Variants in GAS7 observed in about 807,000 individuals in gnomAD.
GAS7 encodes the protein growth arrest-specific protein 7.
A neutral mutation model predicts 71.1 loss-of-function variants in GAS7; 28 were observed. The observed-to-expected ratio is 0.39, with a 90% CI of 0.29 to 0.54. The LOEUF is 0.54. Ranked by LOEUF, GAS7 falls within the 20% of genes least tolerant of loss-of-function variation. The pLI, the probability that GAS7 is intolerant of heterozygous loss-of-function variation, is 0.62. For synonymous variants in GAS7, 258 were observed against 245.8 expected (o/e 1.05, Z -0.46); for missense variants, 436 against 627.8 (o/e 0.69, Z 3.27).
intron 1 of GAS7, among the ~76,000 whole-genome samples, chr17:10,138,703 G>A (rs1242541224): frequency 1.3e-5 from 2 of 151,954 alleles, no homozygotes; most frequent in African/African-American, 2.4e-5. Context: ...GGAGGTGGAG[G>A]TTGCAGTAAG....
chr17:9,921,557 G>C (rs1322129777), intron 11 of GAS7, among the ~76,000 whole-genome samples: 2 of 152,204 alleles, frequency 1.3e-5, no homozygotes, highest in African/African-American at 4.8e-5. Flanking sequence ...ACAGCATTGG[G>C]AAACAGAGTA....
chr17:9,982,050 A>G lies in GAS7; in HGVS notation c.305-166T>C, dbSNP rs138806582. ...GACCCTGCTTTCTGCTCCCATATCC[A>G]TCCATCTCCCTTCCTGGCCCCTGCC... On this transcript the variant is annotated intron_variant, in intron 2 of 13. Transcript: ENST00000432992. Among the ~76,000 whole-genome samples, 1,138 of 152,018 alleles carry G rather than the reference A, an allele frequency of 7.5e-3. 14 individuals carry two copies. Among genetic ancestry groups the G allele is most frequent in the African/African-American group, 0.026 (1,081 of 41,476 alleles).
chr17:10,022,632 G>A (rs1276994765), intron 1 of GAS7, among the ~76,000 whole-genome samples: 2 of 152,206 alleles, frequency 1.3e-5, no homozygotes, highest in African/African-American at 4.8e-5. Flanking sequence ...GCCCAGTTGT[G>A]GAAGACGACG....
intron 1 of GAS7, among the ~76,000 whole-genome samples, chr17:10,060,740 C>A (rs192174252): frequency 6.6e-6 from 1 of 152,204 alleles, no homozygotes; most frequent in Non-Finnish European, 1.5e-5. Context: ...GTTGCTCGTG[C>A]GAACACAAAA....
intron 5 of GAS7, among the ~76,000 whole-genome samples, chr17:9,947,595 T>G (rs1050964654): frequency 6.6e-6 from 1 of 151,792 alleles, no homozygotes; most frequent in African/African-American, 2.4e-5. Flanking sequence ...AAATACAAAA[T>G]TAGCTGGGCG....
intron 1 of GAS7, among the ~76,000 whole-genome samples, chr17:10,048,127 C>A (rs1464673036): frequency 6.6e-6 from 1 of 152,126 alleles, no homozygotes; most frequent in Non-Finnish European, 1.5e-5. Flanking sequence ...CATGGTGAAA[C>A]CCTGTCTCTA....
At chr17:9,917,761 CT>C (rs1318281429) in intron 13 of GAS7, among the ~76,000 whole-genome samples, 3 of 152,192 alleles carry the variant, frequency 2.0e-5, no homozygotes, top group Non-Finnish European at 4.4e-5. Flanking sequence ...CTTCTTTCTC[CT>C]CAGGGTAACA....
At chr17:10,063,961 AAG>A in intron 1 of GAS7, among the ~76,000 whole-genome samples, 1 of 152,274 alleles carries the variant, frequency 6.6e-6, no homozygotes, top group East Asian at 1.9e-4. Flanking sequence ...GCCATTGCCA[AAG>A]AGAGCACCAT....
chr17:10,117,014 C>T (rs1467851922), intron 1 of GAS7, among the ~76,000 whole-genome samples: 1 of 152,132 alleles, frequency 6.6e-6, no homozygotes, highest in African/African-American at 2.4e-5. Flanking sequence ...CACTAACGGG[C>T]TTCAAACAAT....
chr17:9,984,775 G>A (rs1408351238), intron 2 of GAS7, among the ~76,000 whole-genome samples: 3 of 152,180 alleles, frequency 2.0e-5, no homozygotes, highest in African/African-American at 7.2e-5. Flanking sequence ...ATAACATCGG[G>A]CACATGGTAT....
chr17:9,922,227 G>T (rs1367309865), intron 11 of GAS7, among the ~76,000 whole-genome samples: 1 of 150,646 alleles, frequency 6.6e-6, no homozygotes, highest in Non-Finnish European at 1.5e-5. Flanking sequence ...TGATGATGAT[G>T]ATCCCTGAGG....
At chr17:10,043,304 A>G (rs1256810413) in intron 1 of GAS7, among the ~76,000 whole-genome samples, 1 of 152,152 alleles carries the variant, frequency 6.6e-6, no homozygotes, top group African/African-American at 2.4e-5. Context: ...CTCAACACTC[A>G]GGGGCTACAT....
chr17:10,058,654 G>A (rs1200409636), intron 1 of GAS7, among the ~76,000 whole-genome samples: 1 of 152,190 alleles, frequency 6.6e-6, no homozygotes, highest in Non-Finnish European at 1.5e-5. Flanking sequence ...GGAGAACAGA[G>A]CTGTGGCCTG....
At chr17:10,143,410 G>A (rs1187667554) in intron 1 of GAS7, among the ~76,000 whole-genome samples, 1 of 151,984 alleles carries the variant, frequency 6.6e-6, no homozygotes, top group East Asian at 1.9e-4. Flanking sequence ...GGTATGTTGT[G>A]TGTCCCCTAT....
intron 5 of GAS7, 26 bp from the exon 6 acceptor site, chr17:9,947,009 T>C: frequency 2.7e-6 from 4 of 1,501,404 alleles, no homozygotes; most frequent in Non-Finnish European, 3.7e-6. Flanking sequence ...CAAGAAAGAA[T>C]GACCCCGCTG....
intron 9 of GAS7, among the ~76,000 whole-genome samples, 158 bp downstream of exon 9, chr17:9,934,008 A>T (rs1177412562): frequency 6.6e-6 from 1 of 152,232 alleles, no homozygotes; most frequent in African/African-American, 2.4e-5. Context: ...CACTGGGCAG[A>T]TATCTCTTCC....
chr17:10,103,751 G>A lies in GAS7; in HGVS notation c.184-83854C>T, dbSNP rs2073730521. Among the ~76,000 whole-genome samples the A allele has an allele frequency of 6.6e-6, 1 of 151,396 alleles. No homozygotes were observed. The highest frequency in any genetic ancestry group is 2.1e-4 in the South Asian group (1 of 4,802). On this transcript the variant is annotated intron_variant, in intron 1 of 13. Coordinates refer to ENST00000432992, the MANE Select transcript of GAS7 (RefSeq NM_201433.2). The surrounding 1 kb of genome is among the most constrained non-coding windows in gnomAD (Gnocchi z 5.5). ...TGAGGCAGGAGAACTGCTTGAACCT[G>A]GGAGGCAGAGGTTGCAGTGAGCCAA...
At chr17:10,083,722 T>TG (rs2073483065) in intron 1 of GAS7, among the ~76,000 whole-genome samples, 1 of 152,218 alleles carries the variant, frequency 6.6e-6, no homozygotes, top group African/African-American at 2.4e-5. Context: ...AAGTCCCCCA[T>TG]GTGGCTGGGT....
At chr17:10,186,453 T>C (rs1407544136) in intron 1 of GAS7, among the ~76,000 whole-genome samples, 2 of 146,572 alleles carry the variant, frequency 1.4e-5, no homozygotes, top group Non-Finnish European at 3.0e-5. Context: ...TAGGCTGGAG[T>C]GCAGTGGTGC....
Sources: allele counts gnomAD v4.1 joint callset (sites outside exome capture counted in the v4.1 genomes callset), GRCh38; gene constraint gnomAD v4.1.1; non-coding constraint Gnocchi (gnomAD v3.1); transcripts MANE v1.5; gene names NCBI Gene and HGNC (gene_info 2026-07-23, HGNC 2026-07-21).